SLC9C2: variants seen among roughly 807,000 people sequenced by gnomAD.
SLC9C2 encodes sodium/hydrogen exchanger 11.
A neutral mutation model predicts 140.2 loss-of-function variants in SLC9C2; 75 were observed. The observed-to-expected ratio is 0.53, with a 90% CI of 0.44 to 0.65. SLC9C2 has a LOEUF of 0.65. SLC9C2 is among the 30% of genes least tolerant of loss of function. SLC9C2 has a pLI of 0.00. For synonymous variants in SLC9C2, 375 were observed against 420.9 expected (o/e 0.89, Z 1.34); for missense variants, 1,074 against 1,331.8 (o/e 0.81, Z 3.01).
chr1:173,598,033 C>A lies in SLC9C2; in HGVS notation c.229-1G>T. On this transcript the variant is annotated splice_acceptor_variant, in intron 3 of 27. Coordinates refer to ENST00000367714, the MANE Select transcript of SLC9C2 (RefSeq NM_178527.4). LOFTEE classifies it high-confidence loss of function. ...GAAGAGGGTAGACAATTTGGTGCAC[C>A]TAAAGTAACAAAGGCAAACAAGAAA... The A allele has an allele frequency of 6.3e-7, 1 of 1,578,394 alleles. No homozygotes were observed. Among genetic ancestry groups the A allele is most frequent in the Non-Finnish European group, 8.6e-7 (1 of 1,164,928 alleles).
intron 9 of SLC9C2, among the ~76,000 whole-genome samples, chr1:173,562,925 A>G (rs907235029): frequency 1.3e-5 from 2 of 152,094 alleles, no homozygotes; most frequent in Admixed American, 1.3e-4. Flanking sequence ...CTATACAAGT[A>G]AGTATTCTAT....
At chr1:173,543,404 A>G (rs1029403945) in intron 13 of SLC9C2, among the ~76,000 whole-genome samples, 2 of 152,262 alleles carry the variant, frequency 1.3e-5, no homozygotes, top group Non-Finnish European at 2.9e-5. Context: ...AGGAGGAATC[A>G]ATATCGTGAA....
At chr1:173,591,148 G>T (rs1372107841) in intron 4 of SLC9C2, among the ~76,000 whole-genome samples, 3 of 152,092 alleles carry the variant, frequency 2.0e-5, no homozygotes, top group African/African-American at 7.2e-5. Flanking sequence ...TTCTGTTACT[G>T]CCTTAGTTTG....
At chr1:173,541,025 T>C (rs534905699) in intron 13 of SLC9C2, among the ~76,000 whole-genome samples, 1 of 152,246 alleles carries the variant, frequency 6.6e-6, no homozygotes, top group Non-Finnish European at 1.5e-5. Context: ...TAAATGTAAA[T>C]GGGCTAAATG....
chr1:173,559,453 A>G (rs1174710510), intron 9 of SLC9C2, among the ~76,000 whole-genome samples: 1 of 152,050 alleles, frequency 6.6e-6, no homozygotes, highest in African/African-American at 2.4e-5. Flanking sequence ...TTCTTGGTCT[A>G]TTTTTTTCAG....
chr1:173,537,085 G>T, intron 13 of SLC9C2, 46 bp from the exon 14 acceptor site: 1 of 1,460,604 alleles, frequency 6.8e-7, no homozygotes. Context: ...AAACATAAAT[G>T]GAATGTATTC....
At chr1:173,576,053 CTTAT>C (rs957039149) in intron 8 of SLC9C2, among the ~76,000 whole-genome samples, 3 of 152,144 alleles carry the variant, frequency 2.0e-5, no homozygotes, top group African/African-American at 7.2e-5. Context: ...AGGATTACGG[CTTAT>C]TTTTCTCAGT....
chr1:173,540,364 C>T (rs1662294781), intron 13 of SLC9C2, among the ~76,000 whole-genome samples: 1 of 152,210 alleles, frequency 6.6e-6, no homozygotes, highest in African/African-American at 2.4e-5. Context: ...TAAATCATTG[C>T]TTTAAGCCAC....
At chr1:173,557,286 C>T in intron 10 of SLC9C2, 54 bp downstream of exon 10, 1 of 1,536,334 alleles carries the variant, frequency 6.5e-7, no homozygotes, top group Non-Finnish European at 8.8e-7. Context: ...GACAAGTGGG[C>T]AAGATAAGTA....
chr1:173,547,021 C>G (rs1395389754), intron 13 of SLC9C2, among the ~76,000 whole-genome samples: 1 of 152,024 alleles, frequency 6.6e-6, no homozygotes, highest in Non-Finnish European at 1.5e-5. Flanking sequence ...TTACACTATT[C>G]TATCTACTTT....
chr1:173,516,198 T>G (rs901939314), intron 23 of SLC9C2, among the ~76,000 whole-genome samples: 1 of 152,202 alleles, frequency 6.6e-6, no homozygotes, highest in African/African-American at 2.4e-5. Flanking sequence ...GGTCTTTGGC[T>G]CATTTCTATT....
intron 23 of SLC9C2, among the ~76,000 whole-genome samples, chr1:173,516,490 G>T (rs1184455322): frequency 6.6e-6 from 1 of 151,996 alleles, no homozygotes; most frequent in Non-Finnish European, 1.5e-5. Context: ...ATAGGCCCCA[G>T]TGTGTTTTAT....
chr1:173,580,687 C>T (rs115566121), intron 7 of SLC9C2, among the ~76,000 whole-genome samples: 2,957 of 152,206 alleles, frequency 0.019, 92 homozygotes, highest in African/African-American at 0.066. Context: ...GAAAGTGAAC[C>T]GTAGAGAGGT....
intron 18 of SLC9C2, 139 bp from the exon 19 acceptor site, chr1:173,526,853 T>C (rs923695214): frequency 3.1e-5 from 21 of 676,104 alleles, no homozygotes; most frequent in Non-Finnish European, 4.8e-5. Context: ...TTCCTTTTAT[T>C]TTTATTTTTT....
At position 173,597,939 on chromosome 1, in the gene SLC9C2, C is replaced by A. The variant is rs371627335; in HGVS notation, c.322G>T (p.Val108Leu). The change falls in exon 4 of 28, where the codon GTA becomes TTA. Residue 108 changes from valine (V) to leucine (L), a missense_variant. By Grantham distance (32) the Val-to-Leu change is conservative (BLOSUM62 1). Coordinates refer to ENST00000367714, the MANE Select transcript of SLC9C2 (RefSeq NM_178527.4). ...ATTTTCTTGAGTGTATAAAATTCTACATCCAAAGCAACCATAAATATAATT... is the reference window on the plus strand; with the variant it reads ...ATTTTCTTGAGTGTATAAAATTCTAAATCCAAAGCAACCATAAATATAATT... ...PLIIFMVALD[V>L]EFYTLKKMFW... The A allele has an allele frequency of 1.3e-5, 20 of 1,592,620 alleles. No individual in the cohort carries two copies. Among genetic ancestry groups the A allele is most frequent in the Non-Finnish European group, 1.7e-5 (20 of 1,170,190 alleles).
chr1:173,503,379 A>G, intron 26 of SLC9C2, 53 bp from the exon 27 acceptor site: 1 of 1,482,204 alleles, frequency 6.7e-7, no homozygotes, highest in Non-Finnish European at 9.3e-7. Flanking sequence ...TTTAAGAGTA[A>G]AGGCAACCAG....
chr1:173,507,075 T>C, intron 24 of SLC9C2, 34 bp from the exon 25 acceptor site: 1 of 1,457,402 alleles, frequency 6.9e-7, no homozygotes. Flanking sequence ...AAATAAGTCA[T>C]ACAAACTGAC....
chr1:173,509,160 AG>A (rs1303661802), intron 24 of SLC9C2, among the ~76,000 whole-genome samples: 1 of 152,042 alleles, frequency 6.6e-6, no homozygotes, highest in African/African-American at 2.4e-5. Flanking sequence ...AAGCAGACAC[AG>A]GGCCAGGCAC....
chr1:173,601,594 A>C lies in SLC9C2; in HGVS notation c.127+56T>G. On this transcript the variant is annotated intron_variant, in intron 2 of 27. Coordinates refer to ENST00000367714, the MANE Select transcript of SLC9C2 (RefSeq NM_178527.4). ...TTATGTAGTTGTGATGGCTTTCTGC[A>C]TTGACAAAAGGTTCACAGGGCAGAG... 3.2e-6 allele frequency: 5 copies of C among 1,580,938 alleles called. No individual in the cohort carries two copies. In the Admixed American group the frequency reaches 9.0e-5, roughly 28 times the overall value.
Sources: allele counts gnomAD v4.1 joint callset (sites outside exome capture counted in the v4.1 genomes callset), GRCh38; gene constraint gnomAD v4.1.1; transcripts MANE v1.5; gene names NCBI Gene and HGNC (gene_info 2026-07-23, HGNC 2026-07-21).